LRRTM1: variants seen among roughly 807,000 people sequenced by gnomAD.
The protein encoded by LRRTM1 is leucine rich repeat transmembrane neuronal 1, also known as leucine-rich repeat transmembrane neuronal protein 1.
Under a neutral mutation model 37.3 loss-of-function variants are expected in LRRTM1, and 8 were observed. The observed-to-expected ratio is 0.21, with a 90% confidence interval of 0.13 to 0.39. The LOEUF (loss-of-function observed/expected upper bound fraction) is 0.39, where lower values mean the gene tolerates loss of function less well. LRRTM1 is among the 10% of genes least tolerant of loss of function. The probability of loss-of-function intolerance (pLI) is 1.00; values close to 1 mark genes in which losing one functional copy is unlikely to be tolerated. For missense variants in LRRTM1, 557 were observed against 691.0 expected (o/e 0.81, Z 2.17); for synonymous variants, 326 against 316.8 (o/e 1.03, Z -0.31).
rs917802862 is a variant in LRRTM1 at position 80,303,514 on chromosome 2, G to A, written c.306C>T (p.Cys102=). The A allele has an allele frequency of 3.1e-6, 5 of 1,614,136 alleles. No individual in the cohort carries two copies. The African/African-American group carries it at 4.0e-5, about 13-fold the overall frequency. ...TCTGAAAGGCGTCCCCCTGCACGGA[G>A]CAGATGTGATTGTGATCCAGATAGA... The part of the protein sequence containing the change: ...TWLYLDHNHI[C]SVQGDAFQKL... Residue 102 remains cysteine, a synonymous_variant, in exon 2 of 2, where the codon TGC becomes TGT. Transcript: ENST00000295057. This position sits in a 1 kb window ranked among gnomAD's most constrained non-coding sequence, Gnocchi z 7.7.
At position 80,302,722 on chromosome 2, in the gene LRRTM1, C is replaced by T. The variant is rs756037479; in HGVS notation, c.1098G>A (p.Gly366=). The T allele has an allele frequency of 6.2e-7, 1 of 1,612,960 alleles. No homozygotes were observed. The highest frequency in any genetic ancestry group is 8.5e-7 in the Non-Finnish European group (1 of 1,179,844). The change falls in exon 2 of 2, where the codon GGG becomes GGA. Residue 366 remains glycine (G), a synonymous_variant. Coordinates refer to ENST00000295057, the MANE Select transcript of LRRTM1 (RefSeq NM_178839.5). The surrounding 1 kb of genome is among the most constrained non-coding windows in gnomAD (Gnocchi z 6.4). ...GCAGGTGGCCGCTGGTGGGCTCGGC[C>T]CCATCCTCGCACAGGTGGAAGGCGT... ...AVYAFHLCED[G]AEPTSGHLLS...
downstream of LRRTM1, among the ~76,000 whole-genome samples, chr2:80,298,015 A>G (rs1045960079): frequency 6.6e-6 from 1 of 151,000 alleles, no homozygotes; most frequent in Non-Finnish European, 1.5e-5. Context: ...GTGTGGTACT[A>G]TGTGGTTTTA....
chr2:80,291,411 G>C (rs1675226094), intron 2 of LRRTM1, among the ~76,000 whole-genome samples: 1 of 152,208 alleles, frequency 6.6e-6, no homozygotes, highest in Non-Finnish European at 1.5e-5. Context: ...GAGCAAATTA[G>C]TGTCAAAGCT....
chr2:80,300,123 A>ACCC (rs1248834198), downstream of LRRTM1, among the ~76,000 whole-genome samples: 2 of 151,824 alleles, frequency 1.3e-5, no homozygotes, highest in Non-Finnish European at 2.9e-5. Context: ...TAAATTCAAA[A>ACCC]CCCCCTCCTC....
chr2:80,295,784 C>T (rs191645268), intron 2 of LRRTM1, among the ~76,000 whole-genome samples: 3 of 152,278 alleles, frequency 2.0e-5, no homozygotes, highest in South Asian at 2.1e-4. Flanking sequence ...TCTTCCAGAG[C>T]GCTTACTTGA....
In LRRTM1 at chr2:80,303,936, AAATC is replaced by A; in HGVS notation, c.-59-62_-59-59del. 8.3e-7 allele frequency: 1 copy of A among 1,202,842 alleles called. No individual in the cohort carries two copies. Among genetic ancestry groups the A allele is most frequent in the Non-Finnish European group, 1.1e-6 (1 of 895,648 alleles). The allele number at this position is 1,202,842 out of a possible 1,614,324, so 74.5% of individuals were successfully genotyped here. On this transcript the variant is annotated intron_variant, in intron 1 of 1. Transcript: ENST00000295057. This position sits in a 1 kb window ranked among gnomAD's most constrained non-coding sequence, Gnocchi z 7.7. ...CGGGGGAGGGGGAGAAAAGGGCAAA[AAATC>A]AAATAAATACATAGAAATAAAGAAG...
downstream of LRRTM1, among the ~76,000 whole-genome samples, chr2:80,300,663 C>T (rs895475375): frequency 8.5e-5 from 13 of 152,120 alleles, no homozygotes; most frequent in Admixed American, 6.6e-5. Context: ...AGATGCAACT[C>T]TTTAGTGTCC....
intron 2 of LRRTM1, among the ~76,000 whole-genome samples, chr2:80,296,510 C>T (rs1415166010): frequency 1.3e-5 from 2 of 152,100 alleles, no homozygotes; most frequent in Non-Finnish European, 2.9e-5. Context: ...TATGTGTTAA[C>T]TTTTGCTGAT....
chr2:80,294,622 C>T (rs914949147), intron 2 of LRRTM1, among the ~76,000 whole-genome samples: 3 of 152,036 alleles, frequency 2.0e-5, no homozygotes, highest in African/African-American at 4.8e-5. Context: ...ACTATGGAAT[C>T]ACCTGGGAAG....
At chr2:80,295,458 A>T (rs560006520) in intron 2 of LRRTM1, among the ~76,000 whole-genome samples, 1 of 152,234 alleles carries the variant, frequency 6.6e-6, no homozygotes, top group African/African-American at 2.4e-5. Flanking sequence ...ATTTTTTTTT[A>T]ACCTATATCT....
chr2:80,295,018 T>C (rs1322687446), intron 2 of LRRTM1, among the ~76,000 whole-genome samples: 6 of 152,092 alleles, frequency 3.9e-5, no homozygotes, highest in African/African-American at 1.4e-4. Flanking sequence ...CTCCTCTTCC[T>C]CTCTTTTTCT....
intron 2 of LRRTM1, among the ~76,000 whole-genome samples, chr2:80,290,129 T>C (rs964608234): frequency 2.0e-5 from 3 of 152,180 alleles, no homozygotes; most frequent in Non-Finnish European, 2.9e-5. Flanking sequence ...AAGGATTGTT[T>C]TCTGAATTTT....
At chr2:80,297,627 C>T (rs1197354868), downstream of LRRTM1, among the ~76,000 whole-genome samples, 1 of 151,962 alleles carries the variant, frequency 6.6e-6, no homozygotes, top group African/African-American at 2.4e-5. Context: ...CCTCCTGAAT[C>T]CCAGAAAAAC....
chr2:80,300,146 C>A (rs959831072), downstream of LRRTM1, among the ~76,000 whole-genome samples: 3 of 152,074 alleles, frequency 2.0e-5, no homozygotes, highest in African/African-American at 7.2e-5. Context: ...AGTTATCAAA[C>A]AAAGCACCTC....
In LRRTM1 at chr2:80,303,664, G is replaced by A. The variant is rs761264307; in HGVS notation, c.156C>T (p.Cys52=). 1 of 1,611,760 alleles carries A rather than the reference G, an allele frequency of 6.2e-7. No individual in the cohort carries two copies. The highest frequency in any genetic ancestry group is 2.2e-5 in the East Asian group (1 of 44,796). ...LCRCEGRLLY[C]EALNLTEAPH... is the part of the protein sequence containing the mutation. ...GCGCCTCGGTGAGGTTGAGCGCCTC[G>A]CAGTACAGCAGCCGCCCCTCGCACC... The change falls in exon 2 of 2, where the codon TGC becomes TGT. Residue 52 remains cysteine, a synonymous_variant. Coordinates refer to ENST00000295057, the MANE Select transcript of LRRTM1 (RefSeq NM_178839.5). This position sits in a 1 kb window ranked among gnomAD's most constrained non-coding sequence, Gnocchi z 7.7.
At position 80,303,836 on chromosome 2, in the gene LRRTM1, A is replaced by T; in HGVS notation, c.-17T>A. On this transcript the variant is annotated 5_prime_UTR_variant, in exon 2 of 2. Transcript: ENST00000295057. The surrounding 1 kb of genome is among the most constrained non-coding windows in gnomAD (Gnocchi z 7.7). ...GAAATCCATTAGCGAGAATCTTTCCAGAGAGACTGGAGAATGTCCATTGGA... is the reference window on the plus strand; with the variant it reads ...GAAATCCATTAGCGAGAATCTTTCCTGAGAGACTGGAGAATGTCCATTGGA... 6.7e-7 allele frequency: 1 copy of T among 1,499,894 alleles called. No homozygotes were observed. Among genetic ancestry groups the T allele is most frequent in the Non-Finnish European group, 8.9e-7 (1 of 1,124,136 alleles). 92.9% of individuals were successfully genotyped at this position (1,499,894 alleles called of 1,614,324 possible).
chr2:80,293,042 T>G (rs2149183505), intron 2 of LRRTM1, among the ~76,000 whole-genome samples: 1 of 152,264 alleles, frequency 6.6e-6, no homozygotes, highest in Admixed American at 6.5e-5. Context: ...AAATAAAAAT[T>G]TAATAAAATA....
chr2:80,292,732 A>G (rs531104621), intron 2 of LRRTM1, among the ~76,000 whole-genome samples: 4 of 152,186 alleles, frequency 2.6e-5, no homozygotes, highest in Non-Finnish European at 4.4e-5. Context: ...AAATGGTTCT[A>G]TTGTTCACTC....
rs375294082 is a variant in LRRTM1 at position 80,302,630 on chromosome 2, C to T, written c.1190G>A (p.Gly397Asp). 5.0e-6 allele frequency: 8 copies of T among 1,606,642 alleles called. No individual in the cohort carries two copies. The African/African-American group carries it at 9.3e-5, about 19-fold the overall frequency. The change falls in exon 2 of 2, where the codon GGC becomes GAC. Residue 397 changes from glycine to aspartate, a missense_variant. Coordinates refer to ENST00000295057, the MANE Select transcript of LRRTM1 (RefSeq NM_178839.5). This position sits in a 1 kb window ranked among gnomAD's most constrained non-coding sequence, Gnocchi z 6.4. Reference protein sequence around the residue: ...PASSATTLADGGEGQHDGTFE... With the variant: ...PASSATTLADDGEGQHDGTFE... The stretch of plus-strand genomic sequence containing the variant: ...TGTGCCGTCGTGCTGCCCCTCCCCG[C>T]CGTCCGCGAGCGTGGTGGCCGAGCT...
Sources: allele counts gnomAD v4.1 joint callset (sites outside exome capture counted in the v4.1 genomes callset), GRCh38; gene constraint gnomAD v4.1.1; non-coding constraint Gnocchi (gnomAD v3.1); transcripts MANE v1.5; gene names NCBI Gene and HGNC (gene_info 2026-07-23, HGNC 2026-07-21).